Variants in SFMBT1 observed in about 807,000 individuals in gnomAD.
SFMBT1 encodes the protein scm-like with four MBT domains protein 1.
SFMBT1 carries 32 observed loss-of-function variants against 108.7 expected under a neutral mutation model. That is an observed-to-expected ratio of 0.29 (90% CI 0.22 to 0.40). SFMBT1 has a LOEUF of 0.40. Among genes scored for constraint, SFMBT1 ranks in the 10% least tolerant of loss-of-function variants. The pLI is 1.00. For missense variants in SFMBT1, 816 were observed against 1,059.6 expected, an observed-to-expected ratio of 0.77 and a Z score of 3.19; for synonymous variants, 348 against 369.5, an observed-to-expected ratio of 0.94 and a Z score of 0.67.
At chr3:53,025,569 T>C (rs1179788242) in intron 1 of SFMBT1, among the ~76,000 whole-genome samples, 2 of 152,174 alleles carry the variant, frequency 1.3e-5, no homozygotes, top group Non-Finnish European at 2.9e-5. Flanking sequence ...TGAGCCATGA[T>C]TGTGCCACTG....
intron 5 of SFMBT1, among the ~76,000 whole-genome samples, chr3:52,934,273 T>A (rs1702940313): frequency 6.6e-6 from 1 of 152,162 alleles, no homozygotes; most frequent in South Asian, 2.1e-4. Context: ...TGACAGAAAG[T>A]GACAAGATAT....
chr3:53,020,289 T>C (rs2106941537), intron 1 of SFMBT1, among the ~76,000 whole-genome samples: 1 of 152,066 alleles, frequency 6.6e-6, no homozygotes, highest in African/African-American at 2.4e-5. Flanking sequence ...CTCAGGAGGC[T>C]GAGACAGGGG....
chr3:52,906,411 ATGTC>A (rs1168985572), intron 19 of SFMBT1, among the ~76,000 whole-genome samples, 170 bp from the exon 20 acceptor site: 2 of 152,232 alleles, frequency 1.3e-5, no homozygotes, highest in African/African-American at 2.4e-5. Context: ...TACTCAGGAA[ATGTC>A]TGTCTTTTAT....
chr3:52,960,859 G>T (rs891666003), intron 2 of SFMBT1, among the ~76,000 whole-genome samples: 20 of 152,176 alleles, frequency 1.3e-4, no homozygotes, highest in African/African-American at 4.8e-4. Context: ...AATTCTGGCC[G>T]GGTGCGGTGG....
chr3:52,929,187 T>G (rs1477201251), intron 8 of SFMBT1, among the ~76,000 whole-genome samples: 1 of 152,212 alleles, frequency 6.6e-6, no homozygotes, highest in East Asian at 1.9e-4. Flanking sequence ...TATGCTACTA[T>G]GTATTAGTTT....
chr3:52,974,306 A>C (rs1704442881), intron 1 of SFMBT1, among the ~76,000 whole-genome samples: 1 of 152,246 alleles, frequency 6.6e-6, no homozygotes, highest in Non-Finnish European at 1.5e-5. Flanking sequence ...TAATTGCAAC[A>C]ATTCAGCAAA....
intron 1 of SFMBT1, among the ~76,000 whole-genome samples, chr3:53,033,895 C>A (rs1326993736): frequency 6.6e-6 from 1 of 151,132 alleles, no homozygotes; most frequent in Non-Finnish European, 1.5e-5. Flanking sequence ...CATGGAGAAA[C>A]CCTGTCTCTA....
chr3:52,987,849 A>G (rs1468096254), intron 1 of SFMBT1, among the ~76,000 whole-genome samples: 1 of 152,232 alleles, frequency 6.6e-6, no homozygotes, highest in African/African-American at 2.4e-5. Context: ...AAAACAGATT[A>G]ATTCATATGA....
intron 1 of SFMBT1, among the ~76,000 whole-genome samples, chr3:53,001,752 CAAA>C (rs879704429): frequency 7.6e-6 from 1 of 131,588 alleles, no homozygotes; most frequent in Non-Finnish European, 1.7e-5. Context: ...CTATCTCTAC[CAAA>C]AAAAAAAAAA....
chr3:52,995,259 T>A lies in SFMBT1; in HGVS notation c.-130-26001A>T, dbSNP rs192961120. On this transcript the variant is annotated intron_variant, in intron 1 of 20. Coordinates refer to ENST00000394752, the MANE Select transcript of SFMBT1 (RefSeq NM_016329.4). Reference sequence around the variant, plus strand: ...AACTGGATATCCACATGGACAAAAATGAACCTCAACCTTACCTCATACCAT... The same window carrying A: ...AACTGGATATCCACATGGACAAAAAAGAACCTCAACCTTACCTCATACCAT... Among the ~76,000 whole-genome samples, 153 of 150,100 alleles carry A rather than the reference T, an allele frequency of 1.0e-3. 3 individuals carry two copies. Among genetic ancestry groups the A allele is most frequent in the African/African-American group, 3.6e-3 (149 of 41,368 alleles).
At chr3:53,028,147 G>C (rs1026811365) in intron 1 of SFMBT1, among the ~76,000 whole-genome samples, 1 of 152,182 alleles carries the variant, frequency 6.6e-6, no homozygotes, top group Non-Finnish European at 1.5e-5. Flanking sequence ...GTGGAGTGCA[G>C]TGGCTCGAAC....
chr3:53,038,837 G>A (rs942242857), intron 1 of SFMBT1, among the ~76,000 whole-genome samples: 1 of 152,272 alleles, frequency 6.6e-6, no homozygotes. Flanking sequence ...CAACTAACCA[G>A]AACAGCTGGG....
chr3:53,022,318 C>T (rs1022242748), intron 1 of SFMBT1, among the ~76,000 whole-genome samples: 1 of 151,926 alleles, frequency 6.6e-6, no homozygotes, highest in African/African-American at 2.4e-5. Flanking sequence ...AACATGGTGG[C>T]ATGCGCCTGC....
chr3:53,011,789 C>A (rs1460419819), intron 1 of SFMBT1, among the ~76,000 whole-genome samples: 1 of 152,144 alleles, frequency 6.6e-6, no homozygotes, highest in African/African-American at 2.4e-5. Context: ...GTGTGTTCAC[C>A]ATGACTAGTG....
At chr3:52,991,527 T>C (rs1015186908) in intron 1 of SFMBT1, among the ~76,000 whole-genome samples, 3 of 152,036 alleles carry the variant, frequency 2.0e-5, no homozygotes, top group Non-Finnish European at 4.4e-5. Context: ...GTATCTTTAG[T>C]AGAGACGGGT....
At chr3:53,016,661 T>C (rs1327545121) in intron 1 of SFMBT1, among the ~76,000 whole-genome samples, 1 of 152,236 alleles carries the variant, frequency 6.6e-6, no homozygotes, top group African/African-American at 2.4e-5. Context: ...GTCTTCCTTA[T>C]TTATTGATTT....
At chr3:53,025,641 C>T (rs1300124823) in intron 1 of SFMBT1, among the ~76,000 whole-genome samples, 1 of 152,046 alleles carries the variant, frequency 6.6e-6, no homozygotes, top group Non-Finnish European at 1.5e-5. Context: ...AGAAATTCAA[C>T]ACTGTGATGG....
intron 1 of SFMBT1, among the ~76,000 whole-genome samples, chr3:53,015,283 T>TA (rs559803064): frequency 0.37 from 54,452 of 147,722 alleles, 10,514 homozygotes; most frequent in East Asian, 0.54. Flanking sequence ...ATGGTTATCA[T>TA]AAAAAAAAAA....
chr3:52,962,705 G>C (rs939320213), intron 2 of SFMBT1, among the ~76,000 whole-genome samples: 2 of 150,630 alleles, frequency 1.3e-5, no homozygotes, highest in African/African-American at 4.9e-5. Context: ...CTACTCAGGA[G>C]GCTAAGGCAT....
Sources: gnomAD v4.1 joint callset for allele counts (sites outside exome capture counted in the v4.1 genomes callset) on GRCh38, gnomAD v4.1.1 for gene constraint, MANE v1.5 for transcripts, NCBI Gene and HGNC (gene_info 2026-07-23, HGNC 2026-07-21) for gene names.